Variants in GOLGA1 observed in about 807,000 individuals in gnomAD.
GOLGA1 encodes golgin subfamily A member 1.
A neutral mutation model predicts 119.7 loss-of-function variants in GOLGA1; 63 were observed. The ratio of observed to expected loss-of-function variants is 0.53; its 90% CI spans 0.43 to 0.65. The LOEUF is 0.65. GOLGA1 is among the 30% of genes least tolerant of loss of function. The pLI, the probability that GOLGA1 is intolerant of heterozygous loss-of-function variation, is 0.00. For missense variants in GOLGA1, 798 were observed against 912.8 expected (o/e 0.87, Z 1.62); for synonymous variants, 318 against 333.4 (o/e 0.95, Z 0.50).
chr9:124,935,536 C>CCTGTAA (rs1341348159), intron 3 of GOLGA1, among the ~76,000 whole-genome samples: 3 of 152,066 alleles, frequency 2.0e-5, no homozygotes, highest in Non-Finnish European at 4.4e-5. Flanking sequence ...ATGAAAGCTG[C>CCTGTAA]CTGTAATCCT....
rs534178923 is a variant in GOLGA1, at chr9:124,891,643, GTTTT to G, written c.1408-1169_1408-1166del. ...TACTATGAGAGGGTCCCATTCTTTTGTTTTTTTTTTTCTTTTTTGAGATGGAGCT... is the reference window on the plus strand; with the variant it reads ...TACTATGAGAGGGTCCCATTCTTTTGTTTTTTTCTTTTTTGAGATGGAGCT... On this transcript the variant is annotated intron_variant, in intron 15 of 22. Transcript: ENST00000373555. Among the ~76,000 whole-genome samples, 42 of 146,114 alleles carry G rather than the reference GTTTT, an allele frequency of 2.9e-4. No individual in the cohort carries two copies. The East Asian group carries it at 8.3e-3, about 29-fold the overall frequency.
At chr9:124,889,828 T>C (rs1030817447) in intron 16 of GOLGA1, among the ~76,000 whole-genome samples, 2 of 152,202 alleles carry the variant, frequency 1.3e-5, no homozygotes, top group Admixed American at 1.3e-4. Flanking sequence ...TTCCATTTCC[T>C]GAGTGCCTGC....
intron 19 of GOLGA1, among the ~76,000 whole-genome samples, chr9:124,882,982 C>T (rs1829626517): frequency 6.6e-6 from 1 of 152,220 alleles, no homozygotes; most frequent in South Asian, 2.1e-4. Context: ...CGGTTCTCAT[C>T]ACTACTGCTC....
At position 124,888,327 on chromosome 9, in the gene GOLGA1, C is replaced by G. The variant is rs771061118; in HGVS notation, c.1831G>C (p.Val611Leu). The change falls in exon 19 of 23, where the codon GTT becomes CTT. Residue 611 changes from valine to leucine, a missense_variant. Physicochemically the swap from Val to Leu is conservative, Grantham distance 32. Transcript: ENST00000373555. This position sits in a 1 kb window ranked among gnomAD's most constrained non-coding sequence, Gnocchi z 4.4. Reference protein sequence around the residue: ...PTAGRTPNGEVGAMDLTQLQK... With the variant: ...PTAGRTPNGELGAMDLTQLQK... ...AGCTGTGTGAGATCCATGGCCCCAA[C>G]CTCACCATTTGGTGTTCTTCCTGCA... 1 of 1,613,892 alleles carries G rather than the reference C, an allele frequency of 6.2e-7. No homozygotes were observed. The highest frequency in any genetic ancestry group is 1.7e-5 in the Admixed American group (1 of 60,020).
chr9:124,946,433 TA>T lies in GOLGA1; in HGVS notation c.-156+1484del. On this transcript the variant is annotated intron_variant, in intron 1 of 4. Coordinates refer to the GOLGA1 transcript ENST00000421514. This position sits in a 1 kb window ranked among gnomAD's most constrained non-coding sequence, Gnocchi z 4.0. ...CTGAGATAATTTCTCTATTTTAAGA[TA>T]ATATTGGATCAGATAGATTTAATCT... The T allele has an allele frequency of 6.6e-6, 1 of 152,322 alleles. No individual in the cohort carries two copies. The highest frequency in any genetic ancestry group is 2.1e-4 in the South Asian group (1 of 4,828). 9.4% of individuals were successfully genotyped at this position (152,322 alleles called of 1,614,324 possible).
At chr9:124,918,257 T>C (rs1176939835) in intron 10 of GOLGA1, among the ~76,000 whole-genome samples, 1 of 152,180 alleles carries the variant, frequency 6.6e-6, no homozygotes, top group Non-Finnish European at 1.5e-5. Context: ...AATGTCTGAC[T>C]TCCCTTCTAG....
chr9:124,920,706 T>C lies in GOLGA1; in HGVS notation c.843+423A>G, dbSNP rs571498770. 1.6e-3 allele frequency among the ~76,000 whole-genome samples: 247 copies of C among 151,638 alleles called. 1 individual carries two copies. Among genetic ancestry groups the C allele is most frequent in the African/African-American group, 5.8e-3 (239 of 41,368 alleles). ...ATCTCAGCACTTTGGGAGGCCGAGG[T>C]TGGTGGATCACGAGGTCAGGAGTTT... On this transcript the variant is annotated intron_variant, in intron 10 of 22. Transcript: ENST00000373555.
rs1392581699 is a variant in GOLGA1 at position 124,946,189 on chromosome 9, GGTTATT to G, written c.-156+1723_-156+1728del. 12 of 151,954 alleles carry G rather than the reference GGTTATT, an allele frequency of 7.9e-5. No individual in the cohort carries two copies. The highest frequency in any genetic ancestry group is 2.2e-4 in the African/African-American group (9 of 41,366). The allele number at this position is 151,954 out of a possible 1,614,324, so 9.4% of individuals were successfully genotyped here. A position where few individuals can be genotyped will look rare whatever the true frequency, so the allele number is the denominator to read the frequency against. ...CTCTCCAGTGCAAAAACAATGATTTGGTTATTCAAACAACAAACCATCAGATCCTAT... is the reference window on the plus strand; with the variant it reads ...CTCTCCAGTGCAAAAACAATGATTTGCAAACAACAAACCATCAGATCCTAT... On this transcript the variant is annotated intron_variant, in intron 1 of 4. Coordinates refer to the GOLGA1 transcript ENST00000421514. This position sits in a 1 kb window ranked among gnomAD's most constrained non-coding sequence, Gnocchi z 4.0.
intron 7 of GOLGA1, among the ~76,000 whole-genome samples, chr9:124,926,074 G>C (rs187193057): frequency 1.3e-3 from 199 of 152,224 alleles, no homozygotes; most frequent in African/African-American, 4.4e-3. Flanking sequence ...AATCAGAACC[G>C]CAGCAGGAAA....
intron 19 of GOLGA1, among the ~76,000 whole-genome samples, chr9:124,884,835 C>A (rs1829680241): frequency 1.3e-5 from 2 of 152,154 alleles, no homozygotes; most frequent in South Asian, 4.1e-4. Flanking sequence ...GTTACTGAGT[C>A]CCTGCACTGT....
rs1163210592 is a variant in GOLGA1 at position 124,888,958 on chromosome 9, C to A, written c.1761+185G>T. Among the ~76,000 whole-genome samples, 1 of 152,234 alleles carries A rather than the reference C, an allele frequency of 6.6e-6. No homozygotes were observed. Among genetic ancestry groups the A allele is most frequent in the Non-Finnish European group, 1.5e-5 (1 of 68,048 alleles). On this transcript the variant is annotated intron_variant, in intron 18 of 22. Transcript: ENST00000373555. The surrounding 1 kb of genome is among the most constrained non-coding windows in gnomAD (Gnocchi z 4.4). Reference sequence around the variant, plus strand: ...TCGTGATCCACCCGCCTCGGCCTCCCAAAGTGCTGGGATTACAGGCGTGAG... The same window carrying A: ...TCGTGATCCACCCGCCTCGGCCTCCAAAAGTGCTGGGATTACAGGCGTGAG...
intron 7 of GOLGA1, among the ~76,000 whole-genome samples, chr9:124,926,073 C>T (rs1288522885): frequency 2.0e-5 from 3 of 152,060 alleles, no homozygotes; most frequent in Non-Finnish European, 4.4e-5. Context: ...CAATCAGAAC[C>T]GCAGCAGGAA....
chr9:124,941,425 G>A (rs1831019756), upstream of GOLGA1, among the ~76,000 whole-genome samples: 1 of 152,194 alleles, frequency 6.6e-6, no homozygotes, highest in Non-Finnish European at 1.5e-5. Flanking sequence ...TGCTGTGCTG[G>A]CTACAAACCC....
Position 124,888,507 on chromosome 9 carries a change from C to CCAA in GOLGA1, c.1762-114_1762-112dup. ...GTCCCTTAGGTATGGGCGTTGTGCT[C>CCAA]CAACAGGCAACTGGCCAGGAAGCAA... is the stretch of plus-strand genomic sequence containing the variant. On this transcript the variant is annotated intron_variant, in intron 18 of 22. Transcript: ENST00000373555. This position sits in a 1 kb window ranked among gnomAD's most constrained non-coding sequence, Gnocchi z 4.4. 1.1e-6 allele frequency: 1 copy of CCAA among 913,288 alleles called. No homozygotes were observed. Among genetic ancestry groups the CCAA allele is most frequent in the Non-Finnish European group, 1.7e-6 (1 of 582,728 alleles). The allele number at this position is 913,288 out of a possible 1,614,324, so 56.6% of individuals were successfully genotyped here. A position where few individuals can be genotyped will look rare whatever the true frequency, so the allele number is the denominator to read the frequency against.
rs1829543784 is a variant in GOLGA1, at chr9:124,880,218, TA to T, written c.*311del. ...TGCCAGATGCTGATGGCTTCAGCTG[TA>T]AGTGCTACCGTGAAGTTAGAGGATT... On this transcript the variant is annotated 3_prime_UTR_variant, in exon 23 of 23. Coordinates refer to ENST00000373555, the MANE Select transcript of GOLGA1 (RefSeq NM_002077.4). The T allele has an allele frequency of 4.2e-6, 1 of 236,146 alleles. No homozygotes were observed. Among genetic ancestry groups the T allele is most frequent in the South Asian group, 5.6e-5 (1 of 17,834 alleles). 14.6% of individuals were successfully genotyped at this position (236,146 alleles called of 1,614,324 possible).
chr9:124,893,399 A>T (rs1361721831), intron 15 of GOLGA1, among the ~76,000 whole-genome samples: 8 of 152,190 alleles, frequency 5.3e-5, no homozygotes. Flanking sequence ...TAGTAAGCAT[A>T]TGATATCTGA....
rs189007563 is a variant in GOLGA1, at chr9:124,931,869, C to G, written c.136-463G>C. 2.0e-5 allele frequency among the ~76,000 whole-genome samples: 3 copies of G among 152,298 alleles called. No homozygotes were observed. In the East Asian group the frequency reaches 5.8e-4, roughly 29 times the overall value. On this transcript the variant is annotated intron_variant, in intron 3 of 22. Transcript: ENST00000373555. ...AACAAACGGATATCAATCTAAAACT[C>G]TAACTTGCATCATAGACTTCAGCAG...
chr9:124,916,336 A>T (rs1032050859), intron 10 of GOLGA1, among the ~76,000 whole-genome samples: 1 of 152,064 alleles, frequency 6.6e-6, no homozygotes, highest in African/African-American at 2.4e-5. Context: ...AAAGAATTAA[A>T]GTAAAATTTT....
rs555449816 is a variant in GOLGA1, at chr9:124,925,759, T to C, written c.432+950A>G. Among the ~76,000 whole-genome samples, 4 of 152,260 alleles carry C rather than the reference T, an allele frequency of 2.6e-5. No homozygotes were observed. In the East Asian group the frequency reaches 5.8e-4, roughly 22 times the overall value. ...TCTCAGCTTGATAATCAGATTTCTA[T>C]AGAACAGAAAGTAAAGTTAACTTGG... On this transcript the variant is annotated intron_variant, in intron 7 of 22. Transcript: ENST00000373555.
Sources: gnomAD v4.1 joint callset for allele counts (sites outside exome capture counted in the v4.1 genomes callset) on GRCh38, gnomAD v4.1.1 for gene constraint, Gnocchi (gnomAD v3.1) non-coding constraint, MANE v1.5 for transcripts, NCBI Gene and HGNC (gene_info 2026-07-23, HGNC 2026-07-21) for gene names.